Variants in TRIM37 observed in about 807,000 individuals in gnomAD.
TRIM37 encodes tripartite motif containing 37, also known as E3 ubiquitin-protein ligase TRIM37.
In TRIM37, 80 loss-of-function variants were observed where a neutral mutation model predicts 129.8. The observed-to-expected ratio is 0.62, with a 90% CI of 0.51 to 0.74. The LOEUF is 0.74. TRIM37 is among the 30% of genes least tolerant of loss of function. The pLI is 0.00. For missense variants in TRIM37, 1,054 were observed against 1,176.5 expected (o/e 0.90, Z 1.52); for synonymous variants, 389 against 387.1 (o/e 1.00, Z -0.06).
intron 15 of TRIM37, 54 bp from the exon 16 acceptor site, chr17:59,047,873 G>T: frequency 1.2e-6 from 2 of 1,602,574 alleles, no homozygotes; most frequent in South Asian, 1.1e-5. Context: ...CTACTCAGTT[G>T]ATCACCCCAT....
Position 59,028,636 on chromosome 17 carries a change from T to C in TRIM37, c.2036A>G (p.Lys679Arg). 1 of 1,614,248 alleles carries C rather than the reference T, an allele frequency of 6.2e-7. No individual in the cohort carries two copies. Among genetic ancestry groups the C allele is most frequent in the Non-Finnish European group, 8.5e-7 (1 of 1,180,042 alleles). Residue 679 changes from lysine to arginine, a missense_variant, in exon 19 of 24, where the codon AAA becomes AGA. Transcript: ENST00000262294. ...PSDLKMLKRL[K>R]TQMAEVRCMK... ...ACATCGAACTTCGGCCATTTGAGTT[T>C]TGAGTCTTTTTAGCATCTTTAAATC... is the stretch of plus-strand genomic sequence containing the variant.
At position 59,017,279 on chromosome 17, in the gene TRIM37, GA is replaced by G; in HGVS notation, c.2386+16del. 6.2e-7 allele frequency: 1 copy of G among 1,613,708 alleles called. No individual in the cohort carries two copies. Among genetic ancestry groups the G allele is most frequent in the Non-Finnish European group, 8.5e-7 (1 of 1,179,718 alleles). On this transcript the variant is annotated intron_variant, in intron 20 of 23. Coordinates refer to ENST00000262294, the MANE Select transcript of TRIM37 (RefSeq NM_015294.6). Reference sequence around the variant, plus strand: ...ATTTACCCCACTAAAAGTACATTCTGAATCCCTCAAATTTACCTTCAGACAG... The same window carrying G: ...ATTTACCCCACTAAAAGTACATTCTGATCCCTCAAATTTACCTTCAGACAG...
the TRIM37 span, among the ~76,000 whole-genome samples, chr17:58,976,344 T>C: frequency 6.6e-5 from 10 of 152,258 alleles, no homozygotes; most frequent in East Asian, 1.9e-3. Flanking sequence ...CCTGATCAAC[T>C]TGTCTTTGAA....
At chr17:59,008,869 A>G (rs1598858213) in intron 22 of TRIM37, among the ~76,000 whole-genome samples, 2 of 152,326 alleles carry the variant, frequency 1.3e-5, no homozygotes, top group East Asian at 3.9e-4. Context: ...TAGAAATGTT[A>G]AAGTGTCACT....
In TRIM37 at chr17:59,047,701, T is replaced by G. The variant is rs1017275240; in HGVS notation, c.1649A>C (p.Asp550Ala). The stretch of plus-strand genomic sequence containing the variant: ...AACTCACATAGTTTCTTCATCAATA[T>G]CATTTTCTTCTGTATTACTTGTTGC... ...STATSNTEEN[D>A]IDEETMSGEN... The change falls in exon 16 of 24, where the codon GAT becomes GCT. Residue 550 changes from aspartate (D) to alanine (A), a missense_variant. By Grantham distance (126) the Asp-to-Ala change is moderately radical. This residue lies in a region of TRIM37 where 752 missense variants were observed against 870.8 expected (regional missense o/e 0.86). Coordinates refer to ENST00000262294, the MANE Select transcript of TRIM37 (RefSeq NM_015294.6). The G allele has an allele frequency of 6.2e-7, 1 of 1,613,702 alleles. No individual in the cohort carries two copies. Among genetic ancestry groups the G allele is most frequent in the Non-Finnish European group, 8.5e-7 (1 of 1,179,924 alleles).
In TRIM37 at chr17:59,089,346, T is replaced by C. The variant is rs368003095; in HGVS notation, c.165-939A>G. 1.1e-4 allele frequency among the ~76,000 whole-genome samples: 16 copies of C among 152,090 alleles called. No homozygotes were observed. The South Asian group carries it at 1.9e-3, about 18-fold the overall frequency. On this transcript the variant is annotated intron_variant, in intron 3 of 23. Transcript: ENST00000262294. ...GTGACTCTTTTAAGTTAAAATTAAA[T>C]AAAAATAAAATTTTGGCCAGGTGCA...
At chr17:59,083,611 T>A (rs1207792614) in intron 5 of TRIM37, among the ~76,000 whole-genome samples, 1 of 152,150 alleles carries the variant, frequency 6.6e-6, no homozygotes, top group African/African-American at 2.4e-5. Flanking sequence ...TTATAAGATC[T>A]AGATAGGCGT....
chr17:58,967,944 C>T, the TRIM37 span, among the ~76,000 whole-genome samples: 1 of 152,028 alleles, frequency 6.6e-6, no homozygotes, highest in Non-Finnish European at 1.5e-5. Flanking sequence ...GCTGGGAGTA[C>T]AGGCGCGTGC....
chr17:58,977,077 G>A, the TRIM37 span, among the ~76,000 whole-genome samples: 4 of 152,030 alleles, frequency 2.6e-5, no homozygotes, highest in Non-Finnish European at 5.9e-5. Flanking sequence ...GGCTATGGAG[G>A]CACCTTAGCA....
At chr17:59,068,213 G>C (rs1484210248) in intron 9 of TRIM37, among the ~76,000 whole-genome samples, 1 of 152,180 alleles carries the variant, frequency 6.6e-6, no homozygotes. Context: ...GAGCATTGTT[G>C]CCTGCCTGAT....
chr17:58,978,911 T>C (rs1245321664), downstream of TRIM37, among the ~76,000 whole-genome samples: 1 of 152,126 alleles, frequency 6.6e-6, no homozygotes, highest in African/African-American at 2.4e-5. Context: ...AAACCTAGTT[T>C]AGTGTGGTCC....
At chr17:59,056,764 T>C (rs1341888826) in intron 13 of TRIM37, 111 bp downstream of exon 13, 1 of 615,710 alleles carries the variant, frequency 1.6e-6, no homozygotes, top group Non-Finnish European at 2.9e-6. Context: ...AAGGTTATAG[T>C]TAGTATGAAT....
intron 7 of TRIM37, among the ~76,000 whole-genome samples, chr17:59,077,662 T>G (rs553499356): frequency 1.3e-5 from 2 of 151,536 alleles, no homozygotes; most frequent in South Asian, 4.2e-4. Context: ...ATACAAAAAT[T>G]AGCAGGGCGT....
At chr17:59,094,559 T>A (rs2044682709) in intron 2 of TRIM37, among the ~76,000 whole-genome samples, 1 of 151,796 alleles carries the variant, frequency 6.6e-6, no homozygotes, top group Non-Finnish European at 1.5e-5. Context: ...GCAAAACCGC[T>A]CTAAGGGTTA....
chr17:59,081,937 CA>C (rs1157296161), intron 5 of TRIM37, among the ~76,000 whole-genome samples: 2,284 of 48,890 alleles, frequency 0.047, 43 homozygotes, highest in Non-Finnish European at 0.064. Flanking sequence ...TAATAAAAAC[CA>C]AAAAAAAAAA....
At position 59,051,359 on chromosome 17, in the gene TRIM37, A is replaced by C. The variant is rs2040328467; in HGVS notation, c.1200-31T>G. 14 of 1,482,640 alleles carry C rather than the reference A, an allele frequency of 9.4e-6. No individual in the cohort carries two copies. In the East Asian group the frequency reaches 3.2e-4, roughly 34 times the overall value. The allele number at this position is 1,482,640 out of a possible 1,614,324, so 91.8% of individuals were successfully genotyped here. A position where few individuals can be genotyped will look rare whatever the true frequency, so the allele number is the denominator to read the frequency against. On this transcript the variant is annotated intron_variant, in intron 13 of 23. Transcript: ENST00000262294. Reference sequence around the variant, plus strand: ...AAGAATTGTGCCACATTAAAAAAAAAATTCAAATAGTAAAACATTATCAGT... The same window carrying C: ...AAGAATTGTGCCACATTAAAAAAAACATTCAAATAGTAAAACATTATCAGT...
chr17:59,076,487 G>A (rs2042825125), intron 7 of TRIM37, among the ~76,000 whole-genome samples: 2 of 152,236 alleles, frequency 1.3e-5, no homozygotes, highest in Non-Finnish European at 2.9e-5. Flanking sequence ...GCTGCATGCA[G>A]TCATGCAATG....
chr17:59,025,453 AT>A (rs941485033), intron 19 of TRIM37, among the ~76,000 whole-genome samples: 2 of 150,906 alleles, frequency 1.3e-5, no homozygotes, highest in African/African-American at 4.9e-5. Context: ...ATGGATGAAT[AT>A]TATTAATACA....
chr17:59,079,223 A>T (rs1301803417), intron 7 of TRIM37, among the ~76,000 whole-genome samples: 1 of 152,216 alleles, frequency 6.6e-6, no homozygotes, highest in African/African-American at 2.4e-5. Context: ...ATTCTTACTT[A>T]AAATTTAAGT....
Sources: allele counts gnomAD v4.1 joint callset (sites outside exome capture counted in the v4.1 genomes callset), GRCh38; gene constraint gnomAD v4.1.1; regional missense constraint gnomAD v4.1.1; transcripts MANE v1.5; gene names NCBI Gene and HGNC (gene_info 2026-07-23, HGNC 2026-07-21).